Variants in STXBP4 observed in about 807,000 individuals in gnomAD.
The protein encoded by STXBP4 is syntaxin binding protein 4.
In STXBP4, 55 loss-of-function variants were observed where a neutral mutation model predicts 76.1. The observed-to-expected ratio is 0.72, with a 90% CI of 0.58 to 0.91. The LOEUF is 0.91. Ranked by LOEUF, STXBP4 falls within the 40% of genes least tolerant of loss-of-function variation. The pLI, the probability that STXBP4 is intolerant of heterozygous loss-of-function variation, is 0.00. For missense variants in STXBP4, 618 were observed against 636.9 expected, an observed-to-expected ratio of 0.97 and a Z score of 0.32; for synonymous variants, 201 against 220.2, an observed-to-expected ratio of 0.91 and a Z score of 0.77.
the STXBP4 span, among the ~76,000 whole-genome samples, chr17:55,208,126 T>C: frequency 6.6e-6 from 1 of 151,476 alleles, no homozygotes; most frequent in South Asian, 2.1e-4. Flanking sequence ...TTACAGCCTT[T>C]TCACAGATGA....
chr17:55,125,642 G>A (rs972865468), intron 16 of STXBP4, among the ~76,000 whole-genome samples: 4 of 152,120 alleles, frequency 2.6e-5, no homozygotes, highest in African/African-American at 9.7e-5. Flanking sequence ...CTGGGACTAG[G>A]ATAAGGCAAC....
chr17:55,099,163 A>G (rs984614502), intron 16 of STXBP4, among the ~76,000 whole-genome samples: 3 of 152,174 alleles, frequency 2.0e-5, no homozygotes, highest in African/African-American at 7.2e-5. Flanking sequence ...ATACACTGTT[A>G]ATAGTTGTTT....
chr17:55,120,815 G>GT (rs56937675), intron 16 of STXBP4, among the ~76,000 whole-genome samples: 78,142 of 150,278 alleles, frequency 0.52, 20,724 homozygotes, highest in Non-Finnish European at 0.57. Context: ...AAGAAAGAGT[G>GT]TTTTTTTTTT....
At position 55,034,238 on chromosome 17, in the gene STXBP4, T is replaced by A; in HGVS notation, c.834T>A (p.Ile278=). 6.2e-7 allele frequency: 1 copy of A among 1,611,864 alleles called. No homozygotes were observed. The highest frequency in any genetic ancestry group is 8.5e-7 in the Non-Finnish European group (1 of 1,178,606). ...LDEVNVGAHE[I]SNILDSQLLP... Reference sequence around the variant, plus strand: ...AAGTAAATGTTGGTGCACATGAAATTTCCAATATATTAGATTCACAGGTAG... The same window carrying A: ...AAGTAAATGTTGGTGCACATGAAATATCCAATATATTAGATTCACAGGTAG... The change falls in exon 10 of 18, where the codon ATT becomes ATA. Residue 278 remains isoleucine (I), a synonymous_variant. Transcript: ENST00000376352.
intron 8 of STXBP4, among the ~76,000 whole-genome samples, chr17:55,019,595 A>T (rs928053082): frequency 2.6e-5 from 4 of 152,142 alleles, no homozygotes; most frequent in African/African-American, 9.7e-5. Context: ...GATAATTTAG[A>T]ATTACCTGTG....
rs769110195 is a variant in STXBP4 at position 55,031,204 on chromosome 17, C to T, written c.703C>T (p.Gln235Ter). 6.2e-7 allele frequency: 1 copy of T among 1,613,220 alleles called. No individual in the cohort carries two copies. Among genetic ancestry groups the T allele is most frequent in the Non-Finnish European group, 8.5e-7 (1 of 1,179,480 alleles). Reference protein sequence around the residue: ...NYLGIQPTKEQHQALRQQVQA... With the variant: ...NYLGIQPTKE Reference sequence around the variant, plus strand: ...TCTTGGTATTCAGCCCACAAAGGAACAACACCAAGCCCTGAGACAGCAAGT... The same window carrying T: ...TCTTGGTATTCAGCCCACAAAGGAATAACACCAAGCCCTGAGACAGCAAGT... The change falls in exon 9 of 18, where the codon CAA becomes TAA. Residue 235 changes from glutamine to a stop codon, truncating the protein, a stop_gained. Coordinates refer to ENST00000376352, the MANE Select transcript of STXBP4 (RefSeq NM_178509.6). LOFTEE classifies it high-confidence loss of function.
At chr17:55,102,640 G>A (rs558164301) in intron 16 of STXBP4, among the ~76,000 whole-genome samples, 5 of 152,062 alleles carry the variant, frequency 3.3e-5, no homozygotes, top group East Asian at 1.9e-4. Context: ...GGGTATATAC[G>A]CAGTAATGGG....
chr17:55,105,530 C>CAAA (rs1177438483), intron 16 of STXBP4, among the ~76,000 whole-genome samples: 1 of 149,392 alleles, frequency 6.7e-6, no homozygotes, highest in African/African-American at 2.5e-5. Flanking sequence ...TGCAGTGGCG[C>CAAA]AATCTCAGCT....
intron 12 of STXBP4, among the ~76,000 whole-genome samples, chr17:55,058,521 G>A (rs1487208482): frequency 6.6e-6 from 1 of 152,102 alleles, no homozygotes; most frequent in Non-Finnish European, 1.5e-5. Context: ...TATCTACACT[G>A]CAAGTTTGAT....
Position 55,056,062 on chromosome 17 carries a change from A to T in STXBP4, c.1011+8908A>T, listed in dbSNP as rs1028325836. On this transcript the variant is annotated intron_variant, in intron 12 of 17. Transcript: ENST00000376352. The stretch of plus-strand genomic sequence containing the variant: ...AAGTTGGGAAGTAACCGAAGATCAG[A>T]TAAAAGGCTGTTGTAATAGTCTAGA... 2.0e-5 allele frequency among the ~76,000 whole-genome samples: 3 copies of T among 152,212 alleles called. No individual in the cohort carries two copies. The East Asian group carries it at 5.8e-4, about 29-fold the overall frequency.
the STXBP4 span, among the ~76,000 whole-genome samples, chr17:55,202,038 A>G: frequency 6.6e-6 from 1 of 152,124 alleles, no homozygotes. Context: ...TATCATTTAT[A>G]TCAGTACAAT....
At chr17:55,095,247 A>T (rs998681603) in intron 16 of STXBP4, among the ~76,000 whole-genome samples, 1 of 152,240 alleles carries the variant, frequency 6.6e-6, no homozygotes, top group African/African-American at 2.4e-5. Flanking sequence ...ATAGTCAATT[A>T]TCACTTTTTC....
At chr17:55,064,586 C>T (rs530608995) in intron 12 of STXBP4, among the ~76,000 whole-genome samples, 4 of 152,114 alleles carry the variant, frequency 2.6e-5, no homozygotes, top group Non-Finnish European at 4.4e-5. Flanking sequence ...CTCCAGCTCC[C>T]GGGTTCAAGC....
the STXBP4 span, among the ~76,000 whole-genome samples, chr17:55,204,921 C>T: frequency 6.6e-6 from 1 of 152,096 alleles, no homozygotes; most frequent in East Asian, 1.9e-4. Flanking sequence ...ACTGTCTTGG[C>T]AGTTCTCCAA....
intron 16 of STXBP4, among the ~76,000 whole-genome samples, chr17:55,108,083 T>G (rs2079658063): frequency 6.6e-6 from 1 of 152,210 alleles, no homozygotes. Flanking sequence ...AGCCCCTGAC[T>G]GGGGCTGCTG....
intron 1 of STXBP4, among the ~76,000 whole-genome samples, chr17:54,971,964 G>C (rs2077407173): frequency 6.6e-6 from 1 of 152,004 alleles, no homozygotes; most frequent in Admixed American, 6.6e-5. Flanking sequence ...ATACAGGCTG[G>C]TTACGTGATT....
chr17:55,012,754 C>T (rs1009323314), intron 8 of STXBP4, among the ~76,000 whole-genome samples: 11 of 152,108 alleles, frequency 7.2e-5, no homozygotes, highest in Non-Finnish European at 1.5e-4. Context: ...TATCACTGAC[C>T]ACTGCATACC....
intron 16 of STXBP4, among the ~76,000 whole-genome samples, chr17:55,123,695 T>C (rs2079872803): frequency 6.6e-6 from 1 of 151,960 alleles, no homozygotes; most frequent in East Asian, 1.9e-4. Context: ...GGTCAGGAGA[T>C]CGAGACCATC....
At chr17:55,205,543 G>A in the STXBP4 span, among the ~76,000 whole-genome samples, 1 of 148,472 alleles carries the variant, frequency 6.7e-6, no homozygotes, top group Admixed American at 6.7e-5. Context: ...GCAGACAAAT[G>A]CACACACACA....
Sources: gnomAD v4.1 joint callset for allele counts (sites outside exome capture counted in the v4.1 genomes callset) on GRCh38, gnomAD v4.1.1 for gene constraint, MANE v1.5 for transcripts, NCBI Gene and HGNC (gene_info 2026-07-23, HGNC 2026-07-21) for gene names.